KRT79: variants seen among roughly 807,000 people sequenced by gnomAD.
KRT79 encodes keratin, type II cytoskeletal 79.
Under a neutral mutation model 49.0 loss-of-function variants are expected in KRT79, and 51 were observed. That is an observed-to-expected ratio of 1.04 (90% CI 0.83 to 1.31). KRT79 has a LOEUF of 1.31. Ranked by LOEUF, KRT79 falls within the 40% of genes most tolerant of loss-of-function variation. The pLI is 0.00. For synonymous variants in KRT79, 312 were observed against 286.6 expected (o/e 1.09, Z -0.90); for missense variants, 728 against 688.0 (o/e 1.06, Z -0.65).
Position 52,821,796 on chromosome 12 carries a change from G to T in KRT79, c.*76C>A. ...CCCTGGCTGTTCCTGCTCCTGAGAAGTGACTGGAAAGGACAGCAGAGGTGG... is the reference window on the plus strand; with the variant it reads ...CCCTGGCTGTTCCTGCTCCTGAGAATTGACTGGAAAGGACAGCAGAGGTGG... On this transcript the variant is annotated 3_prime_UTR_variant, in exon 9 of 9. Transcript: ENST00000330553. 1 of 1,351,214 alleles carries T rather than the reference G, an allele frequency of 7.4e-7. No individual in the cohort carries two copies. Among genetic ancestry groups the T allele is most frequent in the Non-Finnish European group, 1.0e-6 (1 of 960,690 alleles). 83.7% of individuals were successfully genotyped at this position (1,351,214 alleles called of 1,614,324 possible). A position where few individuals can be genotyped will look rare whatever the true frequency, so the allele number is the denominator to read the frequency against.
intron 8 of KRT79, 39 bp downstream of exon 8, chr12:52,822,306 G>A (rs1940103256): frequency 1.2e-5 from 19 of 1,597,630 alleles, no homozygotes; most frequent in Non-Finnish European, 1.6e-5. Flanking sequence ...TCTGGGGCCT[G>A]GCCAGGGGTG....
At chr12:52,823,416 T>A (rs544589036) in intron 6 of KRT79, among the ~76,000 whole-genome samples, 180 bp from the exon 7 acceptor site, 1 of 152,220 alleles carries the variant, frequency 6.6e-6, no homozygotes, top group South Asian at 2.1e-4. Flanking sequence ...GTAAGGCCAC[T>A]GGGAAAGTCC....
chr12:52,830,352 C>A (rs770857690), intron 2 of KRT79, 60 bp from the exon 3 acceptor site: 2 of 1,484,094 alleles, frequency 1.3e-6, no homozygotes, highest in Non-Finnish European at 1.9e-6. Flanking sequence ...AGGCATGGGA[C>A]CCACTCAGCC....
At chr12:52,831,685 G>A (rs1317318463) in intron 1 of KRT79, 59 bp from the exon 2 acceptor site, 71 of 1,423,580 alleles carry the variant, frequency 5.0e-5, no homozygotes, top group Non-Finnish European at 6.8e-5. Context: ...AGGAGCCAAG[G>A]ATGGGGTCCA....
rs1312377873 is a variant in KRT79, at chr12:52,824,506, TG to T, written c.856-145del. The T allele has an allele frequency of 1.1e-5, 8 of 747,450 alleles. No homozygotes were observed. In the African/African-American group the frequency reaches 1.4e-4, roughly 13 times the overall value. 46.3% of individuals were successfully genotyped at this position (747,450 alleles called of 1,614,324 possible). A position where few individuals can be genotyped will look rare whatever the true frequency, so the allele number is the denominator to read the frequency against. ...CAGCCTAGAGCAAAGTAAGGAAAACTGCAAGGAAAGGCCTCAGTCTCCCCAG... is the reference window on the plus strand; with the variant it reads ...CAGCCTAGAGCAAAGTAAGGAAAACTCAAGGAAAGGCCTCAGTCTCCCCAG... On this transcript the variant is annotated intron_variant, in intron 4 of 8. Coordinates refer to ENST00000330553, the MANE Select transcript of KRT79 (RefSeq NM_175834.3).
chr12:52,827,276 C>T (rs1486913154), intron 4 of KRT79, among the ~76,000 whole-genome samples: 1 of 152,238 alleles, frequency 6.6e-6, no homozygotes, highest in Non-Finnish European at 1.5e-5. Context: ...CCACAGCTCT[C>T]ATCACTTGAT....
At chr12:52,822,894 G>T in intron 7 of KRT79, 122 bp downstream of exon 7, 1 of 922,730 alleles carries the variant, frequency 1.1e-6, no homozygotes, top group Non-Finnish European at 1.6e-6. Flanking sequence ...TTCCCCCCGC[G>T]TGAGTCAGGA....
intron 2 of KRT79, 85 bp downstream of exon 2, chr12:52,831,321 C>T (rs1426864049): frequency 3.8e-6 from 5 of 1,331,010 alleles, no homozygotes; most frequent in Non-Finnish European, 5.3e-6. Context: ...GGGCCTGGGA[C>T]CCTGGGAATG....
At position 52,829,925 on chromosome 12, in the gene KRT79, A is replaced by G. The variant is rs1034161122; in HGVS notation, c.855+98T>C. 119 of 960,890 alleles carry G rather than the reference A, an allele frequency of 1.2e-4. No homozygotes were observed. The East Asian group carries it at 2.6e-3, about 21-fold the overall frequency. 59.5% of individuals were successfully genotyped at this position (960,890 alleles called of 1,614,324 possible). On this transcript the variant is annotated intron_variant, in intron 4 of 8. Transcript: ENST00000330553. ...AGTGTTAAGGTTTCATCTTCCACCA[A>G]TGAGGTTGCACTGGTGAATTCAGGT... is the stretch of plus-strand genomic sequence containing the variant.
At chr12:52,828,303 A>T (rs760718388) in intron 4 of KRT79, among the ~76,000 whole-genome samples, 12 of 152,244 alleles carry the variant, frequency 7.9e-5, no homozygotes, top group Non-Finnish European at 1.5e-4. Context: ...ATTTTAAAGT[A>T]GCTGAGGCTC....
intron 4 of KRT79, among the ~76,000 whole-genome samples, chr12:52,828,062 T>G (rs1940201057): frequency 6.6e-6 from 1 of 152,156 alleles, no homozygotes; most frequent in African/African-American, 2.4e-5. Context: ...CAAATAAGGC[T>G]GACATCAACC....
At position 52,821,801 on chromosome 12, in the gene KRT79, T is replaced by A; in HGVS notation, c.*71A>T. On this transcript the variant is annotated 3_prime_UTR_variant, in exon 9 of 9. Coordinates refer to ENST00000330553, the MANE Select transcript of KRT79 (RefSeq NM_175834.3). Reference sequence around the variant, plus strand: ...GCTGTTCCTGCTCCTGAGAAGTGACTGGAAAGGACAGCAGAGGTGGGGTGA... The same window carrying A: ...GCTGTTCCTGCTCCTGAGAAGTGACAGGAAAGGACAGCAGAGGTGGGGTGA... 3 of 1,398,762 alleles carry A rather than the reference T, an allele frequency of 2.1e-6. No individual in the cohort carries two copies. The highest frequency in any genetic ancestry group is 3.0e-6 in the Non-Finnish European group (3 of 1,001,676). The allele number at this position is 1,398,762 out of a possible 1,614,324, so 86.6% of individuals were successfully genotyped here. A position where few individuals can be genotyped will look rare whatever the true frequency, so the allele number is the denominator to read the frequency against.
Position 52,834,003 on chromosome 12 carries a change from C to T in KRT79, c.258G>A (p.Gly86=), listed in dbSNP as rs1242126895. Residue 86 remains glycine (G), a synonymous_variant, in exon 1 of 9, where the codon GGG becomes GGA. Transcript: ENST00000330553. The part of the protein sequence containing the change: ...AGGALLGRAL[G]GFGFGSRAFM... The stretch of plus-strand genomic sequence containing the variant: ...ATGCCCTGCTGCCAAAGCCAAAGCC[C>T]CCCAGAGCCCGCCCCAACAAGGCCC... 6.2e-7 allele frequency: 1 copy of T among 1,612,612 alleles called. No individual in the cohort carries two copies. Among genetic ancestry groups the T allele is most frequent in the Non-Finnish European group, 8.5e-7 (1 of 1,179,196 alleles).
In KRT79 at chr12:52,824,269, C is replaced by T. The variant is rs754675628; in HGVS notation, c.949G>A (p.Glu317Lys). 11 of 1,614,226 alleles carry T rather than the reference C, an allele frequency of 6.8e-6. No individual in the cohort carries two copies. Among genetic ancestry groups the T allele is most frequent in the Non-Finnish European group, 9.3e-6 (11 of 1,180,042 alleles). The change falls in exon 5 of 9, where the codon GAG (glutamate) becomes AAG (lysine). Residue 317 changes from glutamate (E) to lysine (K), a missense_variant. Glu to Lys is a moderately conservative substitution (Grantham distance 56, BLOSUM62 1). Coordinates refer to ENST00000330553, the MANE Select transcript of KRT79 (RefSeq NM_175834.3). Reference protein sequence around the residue: ...RNLDLDSIIAEVKAQYELIAQ... With the variant: ...RNLDLDSIIAKVKAQYELIAQ... ...ATCAGCTCATACTGGGCCTTGACCT[C>T]GGCGATGATGCTGTCCAGGTCCAGG... is the stretch of plus-strand genomic sequence containing the variant.
At chr12:52,833,739 C>T (rs374912545) in intron 1 of KRT79, 45 bp downstream of exon 1, 62 of 1,514,616 alleles carry the variant, frequency 4.1e-5, no homozygotes, top group African/African-American at 5.5e-5. Flanking sequence ...TTAGAGGTCC[C>T]GCTTCTTCCC....
At position 52,821,612 on chromosome 12, in the gene KRT79, T is replaced by TCACCGTATCAG; in HGVS notation, c.*259_*260insCTGATACGGTG. 1 of 519,264 alleles carries TCACCGTATCAG rather than the reference T, an allele frequency of 1.9e-6. No individual in the cohort carries two copies. The highest frequency in any genetic ancestry group is 3.5e-6 in the Non-Finnish European group (1 of 287,296). The allele number at this position is 519,264 out of a possible 1,614,324, so 32.2% of individuals were successfully genotyped here. On this transcript the variant is annotated 3_prime_UTR_variant, in exon 9 of 9. Transcript: ENST00000330553. Reference sequence around the variant, plus strand: ...GAGAAATTCAGCCTCCTCTCGGTGGTCAAAAGGTCACCCCCAAGTCACCCA... The same window carrying TCACCGTATCAG: ...GAGAAATTCAGCCTCCTCTCGGTGGTCACCGTATCAGCAAAAGGTCACCCCCAAGTCACCCA...
chr12:52,829,302 G>A (rs1199410502), intron 4 of KRT79, among the ~76,000 whole-genome samples: 1 of 152,112 alleles, frequency 6.6e-6, no homozygotes, highest in African/African-American at 2.4e-5. Context: ...TGGAATCCCA[G>A]TCCCTCCTCT....
intron 4 of KRT79, among the ~76,000 whole-genome samples, chr12:52,826,059 A>G (rs1840779614): frequency 6.6e-6 from 1 of 152,124 alleles, no homozygotes; most frequent in South Asian, 2.1e-4. Context: ...CCCCACCGAG[A>G]TGAACTGTCA....
intron 4 of KRT79, among the ~76,000 whole-genome samples, chr12:52,825,723 C>T (rs1940166992): frequency 6.6e-6 from 1 of 152,188 alleles, no homozygotes; most frequent in Admixed American, 6.5e-5. Context: ...TCAATCTAGT[C>T]ACTACAAAAA....
Sources: allele counts gnomAD v4.1 joint callset (sites outside exome capture counted in the v4.1 genomes callset), GRCh38; gene constraint gnomAD v4.1.1; transcripts MANE v1.5; gene names NCBI Gene and HGNC (gene_info 2026-07-23, HGNC 2026-07-21).